The following RERG variants were observed in gnomAD, a reference collection of about 807,000 sequenced individuals.
The protein encoded by RERG is ras-related and estrogen-regulated growth inhibitor.
Under a neutral mutation model 23.2 loss-of-function variants are expected in RERG, and 25 were observed. The ratio of observed to expected loss-of-function variants is 1.08; its 90% CI spans 0.79 to 1.50. RERG has a LOEUF of 1.50. Among genes scored for constraint, RERG ranks in the 40% most tolerant of loss-of-function variants. RERG has a pLI of 0.00. For synonymous variants in RERG, 81 were observed against 89.1 expected, an observed-to-expected ratio of 0.91 and a Z score of 0.51; for missense variants, 253 against 250.1, an observed-to-expected ratio of 1.01 and a Z score of -0.08.
chr12:15,127,199 A>G (rs1402323966), intron 2 of RERG, among the ~76,000 whole-genome samples: 7 of 152,198 alleles, frequency 4.6e-5, no homozygotes, highest in South Asian at 4.1e-4. Flanking sequence ...TGTCTTAGAA[A>G]TGGTGAATGA....
At chr12:15,214,047 TGGA>T (rs1333856677) in intron 2 of RERG, among the ~76,000 whole-genome samples, 8 of 149,054 alleles carry the variant, frequency 5.4e-5, no homozygotes, top group South Asian at 2.1e-4. Context: ...TGCGCGTGTG[TGGA>T]GTTTTTACCT....
intron 2 of RERG, among the ~76,000 whole-genome samples, chr12:15,171,886 C>T (rs16910664): frequency 0.061 from 9,304 of 151,738 alleles, 967 homozygotes; most frequent in African/African-American, 0.21. Flanking sequence ...TGTAGTTCTC[C>T]GACTTTTTTG....
At chr12:15,159,419 A>G (rs1864570924) in intron 2 of RERG, among the ~76,000 whole-genome samples, 1 of 152,232 alleles carries the variant, frequency 6.6e-6, no homozygotes, top group African/African-American at 2.4e-5. Context: ...GAGAATTATT[A>G]TTGATTTAAC....
intron 2 of RERG, among the ~76,000 whole-genome samples, chr12:15,157,746 C>A (rs183904491): frequency 8.5e-4 from 130 of 152,216 alleles, no homozygotes; most frequent in African/African-American, 2.7e-3. Flanking sequence ...TAAATGACTG[C>A]CTTTACTGAT....
At chr12:15,199,491 A>G (rs1423450540) in intron 2 of RERG, among the ~76,000 whole-genome samples, 1 of 152,144 alleles carries the variant, frequency 6.6e-6, no homozygotes, top group Non-Finnish European at 1.5e-5. Flanking sequence ...TTTTCCTTAC[A>G]TTCCTATATT....
rs113495230 is a variant in RERG at position 15,133,280 on chromosome 12, G to T, written c.62-12161C>A. On this transcript the variant is annotated intron_variant, in intron 2 of 4. Coordinates refer to ENST00000256953, the MANE Select transcript of RERG (RefSeq NM_032918.3). ...TTCCCCCTAAATCTTAACAATCTCT[G>T]ATCGTTTTACTGTCACCATAGTGCT... 4.6e-5 allele frequency among the ~76,000 whole-genome samples: 7 copies of T among 151,228 alleles called. 1 individual carries two copies. Among genetic ancestry groups the T allele is most frequent in the African/African-American group, 1.7e-4 (7 of 41,142 alleles).
chr12:15,122,423 A>C (rs1863849283), intron 2 of RERG, among the ~76,000 whole-genome samples: 1 of 152,160 alleles, frequency 6.6e-6, no homozygotes, highest in Non-Finnish European at 1.5e-5. Context: ...GGCAGTGTAA[A>C]TTGCATGAGG....
At chr12:15,161,158 G>GAAAGAAAGAAAGAAAGAAAGAAAGAAAGA (rs1864602086) in intron 2 of RERG, among the ~76,000 whole-genome samples, 1 of 106,514 alleles carries the variant, frequency 9.4e-6, no homozygotes, top group African/African-American at 3.6e-5. Flanking sequence ...AAGAAAGAAA[G>GAAAGAAAGAAAGAAAGAAAGAAAGAAAGA]AAAGAAAGAA....
intron 2 of RERG, among the ~76,000 whole-genome samples, chr12:15,155,719 C>T (rs1220001410): frequency 2.0e-5 from 3 of 152,092 alleles, no homozygotes; most frequent in Non-Finnish European, 4.4e-5. Context: ...CACTGCAGGG[C>T]CCCCAGGGGA....
chr12:15,135,612 C>G (rs538797195), intron 2 of RERG, among the ~76,000 whole-genome samples: 4 of 152,174 alleles, frequency 2.6e-5, no homozygotes, highest in South Asian at 4.1e-4. Flanking sequence ...TTTTATCACC[C>G]ATTAGGGTGT....
At chr12:15,119,225 C>G (rs1222524777) in intron 3 of RERG, among the ~76,000 whole-genome samples, 1 of 152,154 alleles carries the variant, frequency 6.6e-6, no homozygotes, top group Non-Finnish European at 1.5e-5. Context: ...AATAAAGTTT[C>G]ATTATTCTTA....
At chr12:15,119,225 C>A (rs1222524777) in intron 3 of RERG, among the ~76,000 whole-genome samples, 3 of 152,154 alleles carry the variant, frequency 2.0e-5, no homozygotes, top group Non-Finnish European at 4.4e-5. Context: ...AATAAAGTTT[C>A]ATTATTCTTA....
intron 2 of RERG, among the ~76,000 whole-genome samples, chr12:15,209,224 C>G (rs868690983): frequency 6.6e-6 from 1 of 152,164 alleles, no homozygotes. Context: ...CAGAACCTTA[C>G]TATTAAGCCG....
intron 4 of RERG, among the ~76,000 whole-genome samples, chr12:15,110,581 C>G (rs1275457278): frequency 2.7e-5 from 4 of 149,060 alleles, no homozygotes; most frequent in Non-Finnish European, 5.9e-5. Context: ...CGGGTTCACA[C>G]CGTTCTCCTG....
Position 15,121,117 on chromosome 12 carries a change from G to A in RERG, c.64C>T (p.Leu22Phe), listed in dbSNP as rs779546284. The change falls in exon 3 of 5, where the codon CTT becomes TTT. Residue 22 changes from leucine to phenylalanine, a missense_variant and splice_region_variant. Leu to Phe is a conservative substitution (Grantham distance 22, BLOSUM62 0). Transcript: ENST00000256953. ...FGRAGVGKSA[L>F]VVRFLTKRFI... ...CGTTTGGTCAGAAATCTCACTACAAGAGCTGTGGAAGAAAAGAGCAACATT... is the reference window on the plus strand; with the variant it reads ...CGTTTGGTCAGAAATCTCACTACAAAAGCTGTGGAAGAAAAGAGCAACATT... The A allele has an allele frequency of 6.2e-7, 1 of 1,612,408 alleles. No individual in the cohort carries two copies. Among genetic ancestry groups the A allele is most frequent in the Non-Finnish European group, 8.5e-7 (1 of 1,178,702 alleles).
At chr12:15,169,860 A>T (rs1864751403) in intron 2 of RERG, among the ~76,000 whole-genome samples, 1 of 152,112 alleles carries the variant, frequency 6.6e-6, no homozygotes, top group East Asian at 1.9e-4. Context: ...GGGACACATT[A>T]ACAGAAGCCA....
At chr12:15,126,156 T>TATATATATATATATA (rs1555120849) in intron 2 of RERG, among the ~76,000 whole-genome samples, 1 of 140,616 alleles carries the variant, frequency 7.1e-6, no homozygotes, top group African/African-American at 2.7e-5. Flanking sequence ...TATATATGTA[T>TATATATATATATATA]TTACACACAT....
intron 2 of RERG, among the ~76,000 whole-genome samples, chr12:15,214,519 T>A (rs1404584978): frequency 1.3e-5 from 2 of 152,216 alleles, no homozygotes. Context: ...CCAGCAGGTA[T>A]AATTTCTTGC....
At chr12:15,125,709 G>A (rs1383140586) in intron 2 of RERG, among the ~76,000 whole-genome samples, 1 of 151,898 alleles carries the variant, frequency 6.6e-6, no homozygotes, top group Non-Finnish European at 1.5e-5. Context: ...CATGGGAACT[G>A]TTTTCTCATT....
Sources: allele counts gnomAD v4.1 joint callset (sites outside exome capture counted in the v4.1 genomes callset), GRCh38; gene constraint gnomAD v4.1.1; transcripts MANE v1.5; gene names NCBI Gene and HGNC (gene_info 2026-07-23, HGNC 2026-07-21).